The following RALGAPA2 variants were observed in gnomAD, a reference collection of about 807,000 sequenced individuals.
RALGAPA2 encodes the protein Ral GTPase activating protein catalytic subunit alpha 2.
RALGAPA2 carries 139 observed loss-of-function variants against 230.4 expected under a neutral mutation model. The ratio of observed to expected loss-of-function variants is 0.60; its 90% CI spans 0.53 to 0.69. The LOEUF (loss-of-function observed/expected upper bound fraction) is 0.69. Ranked by LOEUF, RALGAPA2 falls within the 30% of genes least tolerant of loss-of-function variation. RALGAPA2 has a pLI of 0.00. For synonymous variants in RALGAPA2, 847 were observed against 837.8 expected (o/e 1.01, Z -0.19); for missense variants, 2,163 against 2,276.0 (o/e 0.95, Z 1.01).
intron 23 of RALGAPA2, among the ~76,000 whole-genome samples, chr20:20,570,938 G>T (rs111259421): frequency 2.0e-5 from 3 of 152,310 alleles, no homozygotes; most frequent in Non-Finnish European, 4.4e-5. Flanking sequence ...GTAGCTAGTG[G>T]CTCCTTGGGC....
Position 20,398,993 on chromosome 20 carries a change from G to A in RALGAPA2, c.5618-2259C>T, listed in dbSNP as rs2059774814. Among the ~76,000 whole-genome samples, 2 of 152,094 alleles carry A rather than the reference G, an allele frequency of 1.3e-5. No individual in the cohort carries two copies. The highest frequency in any genetic ancestry group is 4.1e-4 in the South Asian group (2 of 4,828). ...TGTTTCTGTGGTGTTTCAGGGGAGGGGACAAATTAGGAAACCAAAATGTCT... is the reference window on the plus strand; with the variant it reads ...TGTTTCTGTGGTGTTTCAGGGGAGGAGACAAATTAGGAAACCAAAATGTCT... On this transcript the variant is annotated intron_variant, in intron 38 of 39. Coordinates refer to ENST00000202677, the MANE Select transcript of RALGAPA2 (RefSeq NM_020343.4). The surrounding 1 kb of genome is among the most constrained non-coding windows in gnomAD (Gnocchi z 4.5).
Position 20,605,779 on chromosome 20 carries a change from A to G in RALGAPA2, c.1801-367T>C, listed in dbSNP as rs997262341. ...TCAAACCTCCTACAGGAAAACCGCCAGCCCACCAAATCCTCCCTGACTTTG... is the reference window on the plus strand; with the variant it reads ...TCAAACCTCCTACAGGAAAACCGCCGGCCCACCAAATCCTCCCTGACTTTG... On this transcript the variant is annotated intron_variant, in intron 14 of 39. Coordinates refer to ENST00000202677, the MANE Select transcript of RALGAPA2 (RefSeq NM_020343.4). Among the ~76,000 whole-genome samples the G allele has an allele frequency of 2.6e-5, 4 of 152,164 alleles. No individual in the cohort carries two copies. The South Asian group carries it at 6.2e-4, about 24-fold the overall frequency.
In RALGAPA2 at chr20:20,512,790, T is replaced by C; in HGVS notation, c.4579A>G (p.Ile1527Val). The C allele has an allele frequency of 1.2e-6, 2 of 1,613,936 alleles. No individual in the cohort carries two copies. Among genetic ancestry groups the C allele is most frequent in the African/African-American group, 1.3e-5 (1 of 75,054 alleles). The change falls in exon 32 of 40, where the codon ATT (isoleucine) becomes GTT (valine). Residue 1527 changes from isoleucine to valine, a missense_variant. Coordinates refer to ENST00000202677, the MANE Select transcript of RALGAPA2 (RefSeq NM_020343.4). ...AGGCATTCAGGACTTGTATGGCCAA[T>C]GTTTTCAAGTAATTTGTCAAGAACA... ...DDVLDKLLEN[I>V]GHTSPECLLP...
At chr20:20,537,425 G>A (rs2063525750) in intron 24 of RALGAPA2, among the ~76,000 whole-genome samples, 2 of 151,948 alleles carry the variant, frequency 1.3e-5, no homozygotes, top group South Asian at 4.1e-4. Context: ...TTCGAGACCA[G>A]CCTGGCCAAC....
chr20:20,604,224 T>C (rs938714492), intron 15 of RALGAPA2, among the ~76,000 whole-genome samples: 1 of 152,222 alleles, frequency 6.6e-6, no homozygotes, highest in African/African-American at 2.4e-5. Context: ...CTCAAATCTT[T>C]ACAGAGTAAG....
At chr20:20,601,960 T>C (rs1483724443) in intron 15 of RALGAPA2, 114 bp from the exon 16 acceptor site, 1 of 965,322 alleles carries the variant, frequency 1.0e-6, no homozygotes, top group African/African-American at 1.7e-5. Flanking sequence ...CAGGTTTCCT[T>C]GTCACAAATT....
chr20:20,412,622 G>C (rs1253583487), intron 37 of RALGAPA2, among the ~76,000 whole-genome samples: 4 of 152,168 alleles, frequency 2.6e-5, no homozygotes, highest in Non-Finnish European at 5.9e-5. Flanking sequence ...ACTGGGAAGA[G>C]AGAAGGCTAG....
In RALGAPA2 at chr20:20,526,315, C is replaced by G. The variant is rs201312392; in HGVS notation, c.3630G>C (p.Leu1210Phe). ...GAAGCTTCTCCCAGTAGGAAACCAGCAACTGAAGGACATCGCAAGCTACCT... is the reference window on the plus strand; with the variant it reads ...GAAGCTTCTCCCAGTAGGAAACCAGGAACTGAAGGACATCGCAAGCTACCT... ...VAQVACDVLQ[L>F]LVSYWEKLQM... The change falls in exon 28 of 40, where the codon TTG (leucine) becomes TTC (phenylalanine). Residue 1210 changes from leucine to phenylalanine, a missense_variant. Transcript: ENST00000202677. The G allele has an allele frequency of 6.2e-7, 1 of 1,608,366 alleles. No individual in the cohort carries two copies. The highest frequency in any genetic ancestry group is 8.5e-7 in the Non-Finnish European group (1 of 1,178,546).
intron 20 of RALGAPA2, among the ~76,000 whole-genome samples, chr20:20,581,124 G>A (rs531962888): frequency 2.6e-5 from 4 of 152,290 alleles, no homozygotes; most frequent in African/African-American, 9.6e-5. Flanking sequence ...GAAGAACGGA[G>A]TATTTGGAGG....
chr20:20,440,910 T>C (rs1460629116), intron 37 of RALGAPA2, among the ~76,000 whole-genome samples: 1 of 152,228 alleles, frequency 6.6e-6, no homozygotes, highest in Non-Finnish European at 1.5e-5. Flanking sequence ...TTGCTGAAAA[T>C]CCATTAAATT....
chr20:20,513,640 A>G (rs1319998052), intron 31 of RALGAPA2, among the ~76,000 whole-genome samples: 2 of 152,106 alleles, frequency 1.3e-5, no homozygotes, highest in African/African-American at 4.8e-5. Flanking sequence ...TGGGGATCCA[A>G]GCAACCCAGG....
rs111434134 is a variant in RALGAPA2, at chr20:20,396,625, C to CAA, written c.*35+69_*35+70insTT. ...TGCAGGGTCCGCTACCGAGGGCAGCCGATTAGAAAAGTCCCACCCCCTCCC... is the reference window on the plus strand; with the variant it reads ...TGCAGGGTCCGCTACCGAGGGCAGCCAAGATTAGAAAAGTCCCACCCCCTCCC... On this transcript the variant is annotated intron_variant, in intron 39 of 39. Coordinates refer to ENST00000202677, the MANE Select transcript of RALGAPA2 (RefSeq NM_020343.4). 11,404 of 1,419,868 alleles carry CAA rather than the reference C, an allele frequency of 8.0e-3. 580 individuals carry two copies. The African/African-American group carries it at 0.12, about 16-fold the overall frequency. 88.0% of individuals were successfully genotyped at this position (1,419,868 alleles called of 1,614,324 possible).
At chr20:20,550,783 C>T (rs2063901784) in intron 23 of RALGAPA2, among the ~76,000 whole-genome samples, 1 of 152,110 alleles carries the variant, frequency 6.6e-6, no homozygotes, top group Non-Finnish European at 1.5e-5. Context: ...GAGATAAGAA[C>T]ATATGCCTTT....
At chr20:20,673,746 G>A (rs972637184) in intron 3 of RALGAPA2, among the ~76,000 whole-genome samples, 1 of 152,064 alleles carries the variant, frequency 6.6e-6, no homozygotes, top group Non-Finnish European at 1.5e-5. Flanking sequence ...CAATCTTATA[G>A]AACTATGTTA....
intron 3 of RALGAPA2, among the ~76,000 whole-genome samples, chr20:20,660,719 CT>C (rs927543141): frequency 3.3e-5 from 5 of 152,068 alleles, no homozygotes; most frequent in Non-Finnish European, 7.4e-5. Context: ...GCATAAAATA[CT>C]TTTTTCCTGT....
At chr20:20,456,395 C>T (rs940582610) in intron 37 of RALGAPA2, among the ~76,000 whole-genome samples, 6 of 152,224 alleles carry the variant, frequency 3.9e-5, no homozygotes, top group African/African-American at 1.4e-4. Flanking sequence ...CAGTGCTACA[C>T]CAGCTATGGA....
intron 3 of RALGAPA2, among the ~76,000 whole-genome samples, chr20:20,654,488 C>A (rs1003544110): frequency 6.6e-5 from 10 of 152,234 alleles, no homozygotes; most frequent in African/African-American, 2.4e-4. Context: ...CCACGTCCAG[C>A]CCCATGCAGT....
chr20:20,450,441 G>A (rs2060961782), intron 37 of RALGAPA2, among the ~76,000 whole-genome samples: 2 of 152,188 alleles, frequency 1.3e-5, no homozygotes, highest in Non-Finnish European at 2.9e-5. Context: ...GGATTCACTT[G>A]GTAACAATAA....
intron 37 of RALGAPA2, among the ~76,000 whole-genome samples, chr20:20,447,375 A>G (rs2060888224): frequency 6.6e-6 from 1 of 152,194 alleles, no homozygotes; most frequent in South Asian, 2.1e-4. Flanking sequence ...AACCAGCTAC[A>G]CAAACACAAC....
Sources: allele counts gnomAD v4.1 joint callset (sites outside exome capture counted in the v4.1 genomes callset), GRCh38; gene constraint gnomAD v4.1.1; non-coding constraint Gnocchi (gnomAD v3.1); transcripts MANE v1.5; gene names NCBI Gene and HGNC (gene_info 2026-07-23, HGNC 2026-07-21).